The following CENPI variants were observed in gnomAD, a reference collection of about 807,000 sequenced individuals.
CENPI encodes FSH primary response 1.
In CENPI, 4 loss-of-function variants were observed where a neutral mutation model predicts 60.4. That is an observed-to-expected ratio of 0.07 (90% CI 0.03 to 0.15). The LOEUF is 0.15. CENPI is among the 10% of genes least tolerant of loss of function. The pLI, the probability that CENPI is intolerant of heterozygous loss-of-function variation, is 1.00. For synonymous variants in CENPI, 157 were observed against 189.4 expected (o/e 0.83, Z 1.40); for missense variants, 444 against 534.5 (o/e 0.83, Z 1.67).
At chrX:101,175,601 A>G in the CENPI span, among the ~76,000 whole-genome samples, 1 of 112,119 alleles carries the variant, frequency 8.9e-6, no homozygotes, top group Non-Finnish European at 1.9e-5. Flanking sequence ...TTCTTGGCCT[A>G]TAACTTAGCT....
At chrX:101,122,465 G>T (rs184388580) in intron 8 of CENPI, among the ~76,000 whole-genome samples, 23 of 111,737 alleles carry the variant, frequency 2.1e-4, no homozygotes, top group Admixed American at 5.8e-4. Context: ...GATATTAATG[G>T]TAATATTTTT....
chrX:101,115,903 C>A (rs192809248), intron 6 of CENPI, among the ~76,000 whole-genome samples: 88 of 111,439 alleles, frequency 7.9e-4, no homozygotes, highest in African/African-American at 2.7e-3. Context: ...TGGATTCATA[C>A]AGTATTTATC....
intron 20 of CENPI, among the ~76,000 whole-genome samples, chrX:101,149,065 G>A (rs1388078395): frequency 9.0e-6 from 1 of 111,160 alleles, no homozygotes; most frequent in African/African-American, 3.3e-5. Context: ...ATAAAGGGGC[G>A]CTAAGTTCAG....
chrX:101,125,916 A>G (rs2089730110), intron 8 of CENPI, among the ~76,000 whole-genome samples: 1 of 111,372 alleles, frequency 9.0e-6, no homozygotes, highest in Non-Finnish European at 1.9e-5. Flanking sequence ...CAAAACAAAC[A>G]CTCTGATACT....
At chrX:101,122,441 C>T (rs1226271083) in intron 8 of CENPI, among the ~76,000 whole-genome samples, 1 of 111,538 alleles carries the variant, frequency 9.0e-6, no homozygotes, top group African/African-American at 3.3e-5. Context: ...ATTATTTTTT[C>T]TTAGTTCTCT....
Position 101,163,032 on chromosome X carries a change from C to A in CENPI, c.*65C>A. 9.1e-7 allele frequency: 1 copy of A among 1,102,311 alleles called. No individual in the cohort carries two copies. 90.8% of individuals were successfully genotyped at this position (1,102,311 alleles called of 1,213,427 possible). A position where few individuals can be genotyped will look rare whatever the true frequency, so the allele number is the denominator to read the frequency against. On this transcript the variant is annotated 3_prime_UTR_variant, in exon 22 of 22. Transcript: ENST00000682095. Reference sequence around the variant, plus strand: ...ACTCCTCATTGCTAGAGCAAAGTGGCTCATCTTGAGTTCCCATTTTCATTT... The same window carrying A: ...ACTCCTCATTGCTAGAGCAAAGTGGATCATCTTGAGTTCCCATTTTCATTT...
At position 101,166,112 on chromosome X, in the gene CENPI, T is replaced by C. The variant is rs1018714541; in HGVS notation, c.*3145T>C. Among the ~76,000 whole-genome samples, 5 of 112,297 alleles carry C rather than the reference T, an allele frequency of 4.5e-5. No individual in the cohort carries two copies. The highest frequency in any genetic ancestry group is 9.4e-5 in the Non-Finnish European group (5 of 53,243). ...TTTTTTTGCCCCACAAATAAAATAC[T>C]TAGACATACCTGGATACCTTTTTTT... On this transcript the variant is annotated 3_prime_UTR_variant, in exon 22 of 22. Coordinates refer to ENST00000682095, the MANE Select transcript of CENPI (RefSeq NM_001386188.2).
Position 101,157,361 on chromosome X carries a change from A to G in CENPI, c.2095-4167A>G, listed in dbSNP as rs769820461. On this transcript the variant is annotated intron_variant, in intron 20 of 21. Transcript: ENST00000682095. ...AGATCAGTAACAAGCAAGAGAGGACACTGGGGCTGGGCACTGTGATGCATG... is the reference window on the plus strand; with the variant it reads ...AGATCAGTAACAAGCAAGAGAGGACGCTGGGGCTGGGCACTGTGATGCATG... Among the ~76,000 whole-genome samples the G allele has an allele frequency of 8.4e-4, 94 of 111,474 alleles. 1 individual carries two copies. The highest frequency in any genetic ancestry group is 2.9e-3 in the African/African-American group (90 of 30,761).
chrX:101,109,158 G>A lies in CENPI; in HGVS notation c.365-315G>A, dbSNP rs1307051496. Among the ~76,000 whole-genome samples, 3 of 89,811 alleles carry A rather than the reference G, an allele frequency of 3.3e-5. No individual in the cohort carries two copies. In the Admixed American group the frequency reaches 4.5e-4, roughly 13 times the overall value. The allele number at this position is 89,811 out of a possible 115,157, so 78.0% of individuals were successfully genotyped here. A position where few individuals can be genotyped will look rare whatever the true frequency, so the allele number is the denominator to read the frequency against. On this transcript the variant is annotated intron_variant, in intron 4 of 21. Transcript: ENST00000682095. ...GTGCATGGCGTGATCTTGGCTCACC[G>A]CAACCTCTGCCTCCTGGGTTCAAGC...
intron 20 of CENPI, among the ~76,000 whole-genome samples, chrX:101,158,036 G>C (rs2090069709): frequency 1.8e-5 from 2 of 111,113 alleles, no homozygotes; most frequent in Non-Finnish European, 3.8e-5. Context: ...TCGCACATAT[G>C]CATGAGAACA....
rs780159167 is a variant in CENPI, at chrX:101,145,228, G to T, written c.1701+29G>T. Reference sequence around the variant, plus strand: ...GTACACATTACATTTTCCCCATTTGGATTTATGTGAAGGCTATCCACTTTA... The same window carrying T: ...GTACACATTACATTTTCCCCATTTGTATTTATGTGAAGGCTATCCACTTTA... On this transcript the variant is annotated intron_variant, in intron 17 of 21. Transcript: ENST00000682095. The T allele has an allele frequency of 3.5e-6, 4 of 1,147,766 alleles. No individual in the cohort carries two copies. In the East Asian group the frequency reaches 1.2e-4, roughly 34 times the overall value. 94.6% of individuals were successfully genotyped at this position (1,147,766 alleles called of 1,213,427 possible).
At chrX:101,160,793 T>C (rs1044522656) in intron 20 of CENPI, among the ~76,000 whole-genome samples, 4 of 111,860 alleles carry the variant, frequency 3.6e-5, no homozygotes, top group African/African-American at 1.3e-4. Flanking sequence ...ATAGATATGC[T>C]AATTACCATG....
Position 101,146,379 on chromosome X carries a change from C to T in CENPI, c.1826+102C>T. 12 of 836,608 alleles carry T rather than the reference C, an allele frequency of 1.4e-5. No homozygotes were observed. The Middle Eastern group carries it at 1.2e-3, about 84-fold the overall frequency. 68.9% of individuals were successfully genotyped at this position (836,608 alleles called of 1,213,427 possible). A position where few individuals can be genotyped will look rare whatever the true frequency, so the allele number is the denominator to read the frequency against. On this transcript the variant is annotated intron_variant, in intron 18 of 21. Coordinates refer to ENST00000682095, the MANE Select transcript of CENPI (RefSeq NM_001386188.2). ...TATTCCTACTCGTCTTCTGCCAGGGCCTCTGGAAATAGGAAATGTGGCTTG... is the reference window on the plus strand; with the variant it reads ...TATTCCTACTCGTCTTCTGCCAGGGTCTCTGGAAATAGGAAATGTGGCTTG...
At position 101,161,568 on chromosome X, in the gene CENPI, G is replaced by A. The variant is rs1010299546; in HGVS notation, c.2135G>A (p.Arg712Gln). The change falls in exon 21 of 22, where the codon CGG becomes CAG. Residue 712 changes from arginine (R) to glutamine (Q), a missense_variant and splice_region_variant. Transcript: ENST00000682095. ...EERTVNVSSIRGKKWSWYLDY... is the reference protein window; with the variant it reads ...EERTVNVSSIQGKKWSWYLDY... ...AGGACAGTAAATGTGAGCTCTATTC[G>A]GGTAAATAAATTTACTTTCATCGTG... The A allele has an allele frequency of 1.3e-5, 16 of 1,198,774 alleles. No homozygotes were observed. Among genetic ancestry groups the A allele is most frequent in the Non-Finnish European group, 1.8e-5 (16 of 884,944 alleles).
At chrX:101,134,029 C>G (rs1426435104) in intron 15 of CENPI, among the ~76,000 whole-genome samples, 4 of 111,558 alleles carry the variant, frequency 3.6e-5, no homozygotes, top group Middle Eastern at 4.6e-3. Flanking sequence ...GACTGGCAAC[C>G]AGGGGAAGTT....
intron 15 of CENPI, among the ~76,000 whole-genome samples, chrX:101,136,002 C>T (rs1289301786): frequency 8.9e-6 from 1 of 112,539 alleles, no homozygotes; most frequent in Non-Finnish European, 1.9e-5. Context: ...GGATTATAGG[C>T]ATGAGCCACT....
chrX:101,150,086 C>T (rs1309853605), intron 20 of CENPI, among the ~76,000 whole-genome samples: 3 of 109,547 alleles, frequency 2.7e-5, no homozygotes, highest in Non-Finnish European at 5.7e-5. Flanking sequence ...AGAAGAATTT[C>T]AGAGACATTA....
intron 8 of CENPI, 90 bp downstream of exon 8, chrX:101,120,874 ATCT>A (rs2089670381): frequency 3.1e-6 from 2 of 650,575 alleles, no homozygotes; most frequent in Admixed American, 2.9e-5. Context: ...ATAACTCTTG[ATCT>A]TTTTTTTTTT....
intron 8 of CENPI, 147 bp from the exon 9 acceptor site, chrX:101,126,562 C>T (rs955599428): frequency 2.1e-6 from 1 of 478,167 alleles, no homozygotes; most frequent in Non-Finnish European, 3.6e-6. Context: ...TCTGGTTACT[C>T]ATTCCTTGAT....
Sources: allele counts gnomAD v4.1 joint callset (sites outside exome capture counted in the v4.1 genomes callset), GRCh38; gene constraint gnomAD v4.1.1; transcripts MANE v1.5; gene names NCBI Gene and HGNC (gene_info 2026-07-23, HGNC 2026-07-21).